Variants in ERC1 observed in about 807,000 individuals in gnomAD.
The protein encoded by ERC1 is ELKS/RAB6-interacting/CAST family member 1, also known as RAB6 interacting protein 2.
Under a neutral mutation model 132.0 loss-of-function variants are expected in ERC1, and 56 were observed. The ratio of observed to expected loss-of-function variants is 0.42; its 90% CI spans 0.34 to 0.53. The LOEUF (loss-of-function observed/expected upper bound fraction) is 0.53, where lower values mean the gene tolerates loss of function less well. Among genes scored for constraint, ERC1 ranks in the 20% least tolerant of loss-of-function variants. The pLI, the probability that ERC1 is intolerant of heterozygous loss-of-function variation, is 0.03. For missense variants in ERC1, 1,202 were observed against 1,349.9 expected (o/e 0.89, Z 1.72); for synonymous variants, 478 against 476.1 (o/e 1.00, Z -0.05).
At chr12:1,133,785 C>G (rs893714786) in intron 7 of ERC1, among the ~76,000 whole-genome samples, 1 of 152,182 alleles carries the variant, frequency 6.6e-6, no homozygotes, top group African/African-American at 2.4e-5. Context: ...ACCCTTTGAT[C>G]AGCATCTCCC....
At chr12:1,051,003 C>CA (rs547044306) in intron 2 of ERC1, among the ~76,000 whole-genome samples, 7,105 of 147,046 alleles carry the variant, frequency 0.048, 238 homozygotes, top group African/African-American at 0.09. Context: ...GACTCAGTCT[C>CA]AAAAAAAAAA....
At chr12:1,259,406 C>T (rs2077001692) in intron 13 of ERC1, among the ~76,000 whole-genome samples, 1 of 151,416 alleles carries the variant, frequency 6.6e-6, no homozygotes, top group African/African-American at 2.4e-5. Context: ...ATATCTAGGT[C>T]TACATTTTTA....
chr12:1,092,446 C>G (rs1169284622), intron 3 of ERC1, among the ~76,000 whole-genome samples: 2 of 152,202 alleles, frequency 1.3e-5, no homozygotes, highest in East Asian at 3.8e-4. Context: ...CAAATATAAT[C>G]ATGTCCATTC....
intron 2 of ERC1, among the ~76,000 whole-genome samples, chr12:1,052,995 C>T (rs1236288348): frequency 1.3e-5 from 2 of 151,752 alleles, no homozygotes; most frequent in African/African-American, 2.4e-5. Context: ...TTGTCAGCTG[C>T]AATCATTTTA....
chr12:1,436,153 C>T (rs949927304), intron 17 of ERC1, among the ~76,000 whole-genome samples: 8 of 135,524 alleles, frequency 5.9e-5, no homozygotes, highest in African/African-American at 1.5e-4. Flanking sequence ...TACAGACAGA[C>T]GGACACACAC....
chr12:1,104,837 C>A lies in ERC1; in HGVS notation c.1161+13C>A, dbSNP rs761298495. On this transcript the variant is annotated intron_variant, in intron 4 of 18. Coordinates refer to ENST00000360905, the MANE Select transcript of ERC1 (RefSeq NM_178040.4). ...TATTGAGATGAAGGTAAGTGAGAAT[C>A]TAGTAAAGAATCTTATGAATTACCT... The A allele has an allele frequency of 6.3e-6, 10 of 1,580,710 alleles. 1 individual carries two copies. Among genetic ancestry groups the A allele is most frequent in the Middle Eastern group, 1.7e-4 (1 of 5,976 alleles).
intron 15 of ERC1, among the ~76,000 whole-genome samples, chr12:1,318,212 C>G (rs530071438): frequency 3.7e-4 from 57 of 152,026 alleles, no homozygotes; most frequent in Non-Finnish European, 7.4e-4. Context: ...TAAATCTGAG[C>G]CTTGGGAAAT....
At chr12:1,385,737 T>C (rs2089266530) in intron 16 of ERC1, 1 of 152,248 alleles carries the variant, frequency 6.6e-6, no homozygotes, top group Non-Finnish European at 1.5e-5. Flanking sequence ...TAAGCCCGCA[T>C]TGTCCTCCTG....
chr12:999,461 T>A (rs941222499), intron 1 of ERC1, among the ~76,000 whole-genome samples: 1 of 152,104 alleles, frequency 6.6e-6, no homozygotes, highest in Non-Finnish European at 1.5e-5. Context: ...ATGTGTGTGG[T>A]GTTCTTGATT....
At chr12:1,100,128 A>G (rs915141729) in intron 3 of ERC1, among the ~76,000 whole-genome samples, 3 of 151,996 alleles carry the variant, frequency 2.0e-5, no homozygotes, top group Non-Finnish European at 4.4e-5. Flanking sequence ...GATTACAGGC[A>G]TGAACCACCG....
At chr12:1,324,275 C>A (rs73036621) in intron 15 of ERC1, among the ~76,000 whole-genome samples, 3,764 of 152,202 alleles carry the variant, frequency 0.025, 52 homozygotes, top group Middle Eastern at 0.071. Context: ...AGCTGACAGA[C>A]CTACTGATGA....
Position 1,230,684 on chromosome 12 carries a change from T to C in ERC1, c.2352-6085T>C, listed in dbSNP as rs540285100. Among the ~76,000 whole-genome samples, 4 of 152,356 alleles carry C rather than the reference T, an allele frequency of 2.6e-5. No individual in the cohort carries two copies. In the East Asian group the frequency reaches 7.7e-4, roughly 29 times the overall value. On this transcript the variant is annotated intron_variant, in intron 12 of 18. Transcript: ENST00000360905. ...GGGGTAGTAAAGTCCTCTCTTGTTA[T>C]TGTATTGCTGTCTGTTTCTCCCTTC...
intron 18 of ERC1, among the ~76,000 whole-genome samples, chr12:1,467,808 T>C (rs1014585108): frequency 6.6e-6 from 1 of 152,232 alleles, no homozygotes; most frequent in Non-Finnish European, 1.5e-5. Flanking sequence ...TGATAGATTA[T>C]CAGGCATTAG....
chr12:1,431,634 AT>A (rs2092800601), intron 17 of ERC1, among the ~76,000 whole-genome samples: 1 of 152,164 alleles, frequency 6.6e-6, no homozygotes, highest in Non-Finnish European at 1.5e-5. Context: ...GTCAGTTTTC[AT>A]TTTATGCCTA....
At chr12:1,464,555 C>T (rs1024280804) in intron 18 of ERC1, among the ~76,000 whole-genome samples, 3 of 129,668 alleles carry the variant, frequency 2.3e-5, no homozygotes, top group African/African-American at 8.9e-5. Flanking sequence ...AGTTTCGCTC[C>T]GTTGCCCAGG....
intron 13 of ERC1, among the ~76,000 whole-genome samples, chr12:1,245,673 C>CT (rs2076112689): frequency 6.6e-6 from 1 of 152,160 alleles, no homozygotes; most frequent in South Asian, 2.1e-4. Flanking sequence ...TAAACACTGT[C>CT]TTACATGTGA....
intron 2 of ERC1, among the ~76,000 whole-genome samples, chr12:1,056,139 T>C (rs573546194): frequency 1.3e-5 from 2 of 151,790 alleles, no homozygotes; most frequent in African/African-American, 4.8e-5. Context: ...ATCCATAAAA[T>C]TTTTTTTGTG....
intron 2 of ERC1, among the ~76,000 whole-genome samples, chr12:1,059,747 G>C (rs758902790): frequency 6.6e-6 from 1 of 152,080 alleles, no homozygotes; most frequent in Non-Finnish European, 1.5e-5. Context: ...CTAGTATGTT[G>C]TTGAGGATTT....
chr12:1,430,564 G>A (rs1592005952), intron 17 of ERC1: 1 of 152,220 alleles, frequency 6.6e-6, no homozygotes, highest in Non-Finnish European at 1.5e-5. Flanking sequence ...ATTTTTAGTA[G>A]AGACAGGGTT....
Sources: gnomAD v4.1 joint callset for allele counts (sites outside exome capture counted in the v4.1 genomes callset) on GRCh38, gnomAD v4.1.1 for gene constraint, MANE v1.5 for transcripts, NCBI Gene and HGNC (gene_info 2026-07-23, HGNC 2026-07-21) for gene names.